The following RAPGEF6 variants were observed in gnomAD, a reference collection of about 807,000 sequenced individuals.
The protein encoded by RAPGEF6 is Rap guanine nucleotide exchange factor 6.
In RAPGEF6, 56 loss-of-function variants were observed where a neutral mutation model predicts 171.4. The ratio of observed to expected loss-of-function variants is 0.33; its 90% CI spans 0.26 to 0.41. The LOEUF (loss-of-function observed/expected upper bound fraction) is 0.41, where lower values mean the gene tolerates loss of function less well. RAPGEF6 is among the 10% of genes least tolerant of loss of function. The pLI is 1.00. For synonymous variants in RAPGEF6, 692 were observed against 650.1 expected, an observed-to-expected ratio of 1.06 and a Z score of -0.98; for missense variants, 1,674 against 1,921.4, an observed-to-expected ratio of 0.87 and a Z score of 2.41.
At chr5:131,512,660 G>C (rs1757813986) in intron 7 of RAPGEF6, among the ~76,000 whole-genome samples, 1 of 152,110 alleles carries the variant, frequency 6.6e-6, no homozygotes, top group Non-Finnish European at 1.5e-5. Context: ...AATTAGACAA[G>C]CTAGTTCTTA....
chr5:131,588,764 C>G (rs143388910), intron 4 of RAPGEF6, among the ~76,000 whole-genome samples: 1 of 151,336 alleles, frequency 6.6e-6, no homozygotes. Flanking sequence ...ACAACAACAA[C>G]AAAAACAATA....
chr5:131,604,335 T>C (rs1025152592), intron 2 of RAPGEF6, among the ~76,000 whole-genome samples: 1 of 152,188 alleles, frequency 6.6e-6, no homozygotes, highest in Admixed American at 6.5e-5. Context: ...ATTACCCCTA[T>C]TTTATTGAAG....
In RAPGEF6 at chr5:131,510,500, A is replaced by G. The variant is rs1412480988; in HGVS notation, c.628-9T>C. Reference sequence around the variant, plus strand: ...ACCTCACTCTCCGTAGCCTATGAAAAGAAATCTTGATCACTTACCATTTCA... The same window carrying G: ...ACCTCACTCTCCGTAGCCTATGAAAGGAAATCTTGATCACTTACCATTTCA... On this transcript the variant is annotated splice_polypyrimidine_tract_variant and intron_variant, in intron 7 of 27. Transcript: ENST00000509018. 2 of 1,608,122 alleles carry G rather than the reference A, an allele frequency of 1.2e-6. No homozygotes were observed. The highest frequency in any genetic ancestry group is 3.4e-5 in the Admixed American group (2 of 58,558).
At chr5:131,615,729 G>A (rs146142673) in intron 1 of RAPGEF6, among the ~76,000 whole-genome samples, 19 of 152,070 alleles carry the variant, frequency 1.2e-4, no homozygotes, top group African/African-American at 4.3e-4. Flanking sequence ...GCAAAACCCC[G>A]TCTCTACTAA....
At chr5:131,573,293 C>T (rs1365796287) in intron 4 of RAPGEF6, among the ~76,000 whole-genome samples, 1 of 152,186 alleles carries the variant, frequency 6.6e-6, no homozygotes, top group Non-Finnish European at 1.5e-5. Context: ...CAACAATTTC[C>T]TCTTACAGAG....
At chr5:131,520,432 T>C (rs1758401088) in intron 7 of RAPGEF6, among the ~76,000 whole-genome samples, 1 of 152,246 alleles carries the variant, frequency 6.6e-6, no homozygotes, top group African/African-American at 2.4e-5. Flanking sequence ...TTGGTTATAC[T>C]GCACTAAATA....
At position 131,502,948 on chromosome 5, in the gene RAPGEF6, G is replaced by A. The variant is rs1309945598; in HGVS notation, c.1254+1678C>T. Among the ~76,000 whole-genome samples the A allele has an allele frequency of 4.6e-5, 7 of 151,976 alleles. No homozygotes were observed. The South Asian group carries it at 8.3e-4, about 18-fold the overall frequency. ...CGAGTAGCTGGGATTGATTACAGGCGGCCACCACCATGCCTAGCTAATTTT... is the reference window on the plus strand; with the variant it reads ...CGAGTAGCTGGGATTGATTACAGGCAGCCACCACCATGCCTAGCTAATTTT... On this transcript the variant is annotated intron_variant, in intron 11 of 27. Coordinates refer to ENST00000509018, the MANE Select transcript of RAPGEF6 (RefSeq NM_016340.6).
chr5:131,585,073 C>T (rs1211509837), intron 4 of RAPGEF6, among the ~76,000 whole-genome samples: 1 of 152,034 alleles, frequency 6.6e-6, no homozygotes, highest in Non-Finnish European at 1.5e-5. Flanking sequence ...CATCATTATT[C>T]ATCAAAAACA....
chr5:131,596,024 C>T (rs954344389), intron 3 of RAPGEF6, among the ~76,000 whole-genome samples: 3 of 151,890 alleles, frequency 2.0e-5, no homozygotes, highest in Admixed American at 6.6e-5. Flanking sequence ...TGTGGTGGTA[C>T]GCGCCTGTAA....
chr5:131,452,172 A>T lies in RAPGEF6; in HGVS notation c.3200+882T>A, dbSNP rs183145187. On this transcript the variant is annotated intron_variant, in intron 21 of 27. Transcript: ENST00000509018. ...GAGGCGGAGCTTGCAGTGAGCCGAG[A>T]TTGCGCCTCTGCACTCCAGCCTGGG... Among the ~76,000 whole-genome samples the T allele has an allele frequency of 3.8e-3, 569 of 150,478 alleles. 4 individuals carry two copies. Among genetic ancestry groups the T allele is most frequent in the African/African-American group, 0.013 (539 of 40,874 alleles).
intron 6 of RAPGEF6, among the ~76,000 whole-genome samples, chr5:131,533,403 A>G (rs1265076873): frequency 1.3e-5 from 2 of 152,136 alleles, no homozygotes; most frequent in African/African-American, 4.8e-5. Flanking sequence ...TTGTCCTCCC[A>G]AGGTAAAATT....
intron 15 of RAPGEF6, among the ~76,000 whole-genome samples, chr5:131,486,922 T>A (rs1437695654): frequency 1.3e-5 from 2 of 152,118 alleles, no homozygotes; most frequent in African/African-American, 4.8e-5. Flanking sequence ...ACTCATTAGG[T>A]CTCTACCACA....
At chr5:131,584,979 A>T (rs535159725) in intron 4 of RAPGEF6, among the ~76,000 whole-genome samples, 1 of 152,358 alleles carries the variant, frequency 6.6e-6, no homozygotes, top group East Asian at 1.9e-4. Context: ...AACAACAGGC[A>T]CACAAAATTT....
intron 15 of RAPGEF6, among the ~76,000 whole-genome samples, chr5:131,480,500 A>G (rs1018829762): frequency 6.6e-6 from 1 of 152,138 alleles, no homozygotes; most frequent in Non-Finnish European, 1.5e-5. Flanking sequence ...TGATTTTGAG[A>G]CAGAGTCTCA....
intron 16 of RAPGEF6, among the ~76,000 whole-genome samples, chr5:131,476,942 T>C (rs1376103851): frequency 1.3e-5 from 2 of 152,226 alleles, no homozygotes; most frequent in Non-Finnish European, 2.9e-5. Flanking sequence ...CTGACCATTC[T>C]TTTTGTCAAT....
At position 131,508,339 on chromosome 5, in the gene RAPGEF6, G is replaced by A. The variant is rs2149892697; in HGVS notation, c.806-132C>T. The A allele has an allele frequency of 5.7e-6, 5 of 882,058 alleles. 1 individual carries two copies. Among genetic ancestry groups the A allele is most frequent in the South Asian group, 2.2e-5 (1 of 46,398 alleles). 54.6% of individuals were successfully genotyped at this position (882,058 alleles called of 1,614,324 possible). A position where few individuals can be genotyped will look rare whatever the true frequency, so the allele number is the denominator to read the frequency against. The stretch of plus-strand genomic sequence containing the variant: ...TATGTTGCTAAAGTAGAGAAACTAA[G>A]GTACTATTTGACCGTTGATTTTTAA... On this transcript the variant is annotated intron_variant, in intron 8 of 27. Coordinates refer to ENST00000509018, the MANE Select transcript of RAPGEF6 (RefSeq NM_016340.6).
intron 4 of RAPGEF6, among the ~76,000 whole-genome samples, chr5:131,585,286 A>AAAATAT (rs1763181297): frequency 1.4e-5 from 2 of 144,680 alleles, no homozygotes; most frequent in African/African-American, 2.6e-5. Context: ...AAAAAAAAAA[A>AAAATAT]ACTATACATA....
rs947141949 is a variant in RAPGEF6, at chr5:131,425,430, A to T, written c.*1836T>A. 4 of 152,372 alleles carry T rather than the reference A, an allele frequency of 2.6e-5. No individual in the cohort carries two copies. The highest frequency in any genetic ancestry group is 9.6e-5 in the African/African-American group (4 of 41,462). The allele number at this position is 152,372 out of a possible 1,614,324, so 9.4% of individuals were successfully genotyped here. A position where few individuals can be genotyped will look rare whatever the true frequency, so the allele number is the denominator to read the frequency against. ...AGTGAAGGAAAAAATGTATAATCATAGGACCACTGTTTATAGGCCAAATCA... is the reference window on the plus strand; with the variant it reads ...AGTGAAGGAAAAAATGTATAATCATTGGACCACTGTTTATAGGCCAAATCA... On this transcript the variant is annotated 3_prime_UTR_variant, in exon 28 of 28. Transcript: ENST00000509018.
At chr5:131,556,372 A>C (rs1400101994) in intron 5 of RAPGEF6, among the ~76,000 whole-genome samples, 1 of 152,096 alleles carries the variant, frequency 6.6e-6, no homozygotes, top group Non-Finnish European at 1.5e-5. Flanking sequence ...ATGCCACTGC[A>C]CTCCAGCCTG....
Sources: allele counts gnomAD v4.1 joint callset (sites outside exome capture counted in the v4.1 genomes callset), GRCh38; gene constraint gnomAD v4.1.1; transcripts MANE v1.5; gene names NCBI Gene and HGNC (gene_info 2026-07-23, HGNC 2026-07-21).